PPP2R5E: variants seen among roughly 807,000 people sequenced by gnomAD.
The protein encoded by PPP2R5E is protein phosphatase 2 regulatory subunit B'epsilon.
PPP2R5E carries 4 observed loss-of-function variants against 65.3 expected under a neutral mutation model. The observed-to-expected ratio is 0.06, with a 90% CI of 0.03 to 0.14. The LOEUF (loss-of-function observed/expected upper bound fraction) is 0.14, where lower values mean the gene tolerates loss of function less well. PPP2R5E is among the 10% of genes least tolerant of loss of function. The pLI is 1.00. For missense variants in PPP2R5E, 274 were observed against 556.1 expected (o/e 0.49, Z 5.10); for synonymous variants, 183 against 187.4 (o/e 0.98, Z 0.19).
rs1055791645 is a variant in PPP2R5E at position 63,373,624 on chromosome 14, A to C, written c.*2385T>G. ...TTATTCTTCTCAGTTTGGAATGATC[A>C]ACATACAAAATTGACATCAAGGAGG... On this transcript the variant is annotated 3_prime_UTR_variant, in exon 14 of 14. Coordinates refer to ENST00000337537, the MANE Select transcript of PPP2R5E (RefSeq NM_006246.5). 4 of 152,232 alleles carry C rather than the reference A, an allele frequency of 2.6e-5. No individual in the cohort carries two copies. Among genetic ancestry groups the C allele is most frequent in the Non-Finnish European group, 5.9e-5 (4 of 68,046 alleles). The allele number at this position is 152,232 out of a possible 1,614,324, so 9.4% of individuals were successfully genotyped here.
chr14:63,446,841 AAAAAAAG>A, intron 3 of PPP2R5E, among the ~76,000 whole-genome samples: 1 of 151,894 alleles, frequency 6.6e-6, no homozygotes, highest in Non-Finnish European at 1.5e-5. Context: ...AAAAAAAAAA[AAAAAAAG>A]AAAAAGAAAA....
At chr14:63,386,643 CTGGG>C (rs1393978061) in intron 11 of PPP2R5E, among the ~76,000 whole-genome samples, 1 of 152,090 alleles carries the variant, frequency 6.6e-6, no homozygotes, top group Non-Finnish European at 1.5e-5. Flanking sequence ...ATAGGTGGGG[CTGGG>C]TGTGGTGGCT....
intron 2 of PPP2R5E, among the ~76,000 whole-genome samples, chr14:63,480,447 C>A (rs939580565): frequency 1.3e-5 from 2 of 152,100 alleles, no homozygotes; most frequent in African/African-American, 2.4e-5. Context: ...CAGAGCGAGA[C>A]CCTGTCTCAA....
chr14:63,399,584 T>C (rs544034764), intron 5 of PPP2R5E, among the ~76,000 whole-genome samples: 2 of 152,128 alleles, frequency 1.3e-5, no homozygotes, highest in African/African-American at 2.4e-5. Context: ...TCTGTAAACA[T>C]ACTAAAAACC....
chr14:63,443,430 A>C (rs1888332990), intron 3 of PPP2R5E, among the ~76,000 whole-genome samples: 1 of 152,164 alleles, frequency 6.6e-6, no homozygotes, highest in African/African-American at 2.4e-5. Context: ...TTTTTGTAGG[A>C]GAGAAGTGAC....
chr14:63,392,649 G>C (rs1045251539), intron 8 of PPP2R5E, among the ~76,000 whole-genome samples: 1 of 152,180 alleles, frequency 6.6e-6, no homozygotes, highest in Non-Finnish European at 1.5e-5. Flanking sequence ...ATTTGTAAAA[G>C]GGCTTGTAAA....
chr14:63,509,217 A>G (rs1366269225), intron 2 of PPP2R5E, among the ~76,000 whole-genome samples: 6 of 151,318 alleles, frequency 4.0e-5, no homozygotes, highest in African/African-American at 9.7e-5. Flanking sequence ...TTAGTCTATG[A>G]CATGCGCTAT....
chr14:63,434,577 G>A (rs1404485653), intron 3 of PPP2R5E, among the ~76,000 whole-genome samples: 4 of 152,102 alleles, frequency 2.6e-5, no homozygotes, highest in Non-Finnish European at 4.4e-5. Flanking sequence ...TTTCCACTAC[G>A]ACCTCTGTGT....
At chr14:63,434,049 G>A (rs1361537519) in intron 3 of PPP2R5E, among the ~76,000 whole-genome samples, 1 of 152,012 alleles carries the variant, frequency 6.6e-6, no homozygotes, top group African/African-American at 2.4e-5. Flanking sequence ...AGTAATTGTG[G>A]GGAGATTTTA....
intron 3 of PPP2R5E, among the ~76,000 whole-genome samples, chr14:63,427,780 A>C (rs58297905): frequency 0.04 from 6,107 of 152,292 alleles, 171 homozygotes; most frequent in East Asian, 0.1. Context: ...ACGAGCTTTT[A>C]GAATCAGATC....
At chr14:63,534,060 T>C (rs1460108689) in intron 2 of PPP2R5E, among the ~76,000 whole-genome samples, 1 of 152,174 alleles carries the variant, frequency 6.6e-6, no homozygotes, top group Non-Finnish European at 1.5e-5. Flanking sequence ...CAGAATTGCT[T>C]AAAGTCAACG....
intron 3 of PPP2R5E, among the ~76,000 whole-genome samples, chr14:63,439,776 ATGG>A (rs1888127146): frequency 6.6e-6 from 1 of 152,228 alleles, no homozygotes; most frequent in Non-Finnish European, 1.5e-5. Flanking sequence ...GATGTCCATC[ATGG>A]AGATGGAGGG....
intron 2 of PPP2R5E, among the ~76,000 whole-genome samples, chr14:63,471,993 T>C (rs1468005891): frequency 6.6e-6 from 1 of 152,134 alleles, no homozygotes; most frequent in Non-Finnish European, 1.5e-5. Context: ...GCCTGTTATT[T>C]CTGTTAATAT....
At chr14:63,512,265 C>T (rs543513310) in intron 2 of PPP2R5E, among the ~76,000 whole-genome samples, 57 of 152,234 alleles carry the variant, frequency 3.7e-4, no homozygotes, top group Middle Eastern at 3.4e-3. Flanking sequence ...AACAGTTACG[C>T]TCTTTCCTTA....
chr14:63,447,858 C>T (rs1477709111), intron 3 of PPP2R5E, among the ~76,000 whole-genome samples: 4 of 152,136 alleles, frequency 2.6e-5, no homozygotes, highest in African/African-American at 9.7e-5. Flanking sequence ...AATTTCAATA[C>T]TGTTGTGTCT....
At chr14:63,407,266 C>A (rs1291927820) in intron 5 of PPP2R5E, among the ~76,000 whole-genome samples, 1 of 152,204 alleles carries the variant, frequency 6.6e-6, no homozygotes, top group East Asian at 1.9e-4. Flanking sequence ...CCAATCTATA[C>A]TGCTTCCTGA....
intron 5 of PPP2R5E, among the ~76,000 whole-genome samples, chr14:63,410,978 T>C (rs1437512006): frequency 1.3e-5 from 2 of 152,110 alleles, no homozygotes; most frequent in South Asian, 2.1e-4. Flanking sequence ...ATAAAGTATA[T>C]AAATGAACTT....
chr14:63,409,292 A>C (rs1448181031), intron 5 of PPP2R5E, among the ~76,000 whole-genome samples: 1 of 152,094 alleles, frequency 6.6e-6, no homozygotes, highest in East Asian at 1.9e-4. Flanking sequence ...CTGTAATCCC[A>C]GCTACTCAGG....
At chr14:63,504,290 G>C (rs762236669) in intron 2 of PPP2R5E, among the ~76,000 whole-genome samples, 13 of 151,984 alleles carry the variant, frequency 8.6e-5, no homozygotes, top group Non-Finnish European at 1.8e-4. Flanking sequence ...ACCCACCCAA[G>C]AAGTCAATTG....
Sources: gnomAD v4.1 joint callset for allele counts (sites outside exome capture counted in the v4.1 genomes callset) on GRCh38, gnomAD v4.1.1 for gene constraint, MANE v1.5 for transcripts, NCBI Gene and HGNC (gene_info 2026-07-23, HGNC 2026-07-21) for gene names.